Variants in PLEKHA6 observed in about 807,000 individuals in gnomAD.
The protein encoded by PLEKHA6 is pleckstrin homology domain containing A6.
PLEKHA6 carries 60 observed loss-of-function variants against 116.7 expected under a neutral mutation model. The observed-to-expected ratio is 0.51, with a 90% confidence interval of 0.42 to 0.64. The LOEUF is 0.64. Ranked by LOEUF, PLEKHA6 falls within the 30% of genes least tolerant of loss-of-function variation. The pLI is 0.00. For synonymous variants in PLEKHA6, 489 were observed against 556.1 expected (o/e 0.88, Z 1.70); for missense variants, 1,338 against 1,422.7 (o/e 0.94, Z 0.96).
At chr1:204,239,927 C>T (rs945866449) in intron 17 of PLEKHA6, among the ~76,000 whole-genome samples, 13 of 152,178 alleles carry the variant, frequency 8.5e-5, no homozygotes, top group Admixed American at 7.2e-4. Context: ...TTTCCCATGA[C>T]ATTATGTTCT....
chr1:204,254,429 T>C (rs192300432), intron 9 of PLEKHA6, among the ~76,000 whole-genome samples: 1 of 152,214 alleles, frequency 6.6e-6, no homozygotes, highest in Admixed American at 6.5e-5. Context: ...GTTGCAGCTA[T>C]AGCATCTCAT....
At chr1:204,329,089 G>A (rs1054377732) in intron 1 of PLEKHA6, among the ~76,000 whole-genome samples, 1 of 152,234 alleles carries the variant, frequency 6.6e-6, no homozygotes, top group South Asian at 2.1e-4. Flanking sequence ...GTCACTGATA[G>A]TAGAAAGAGC....
chr1:204,301,845 T>C (rs12082071), intron 1 of PLEKHA6, among the ~76,000 whole-genome samples: 29,992 of 152,100 alleles, frequency 0.2, 3,552 homozygotes, highest in East Asian at 0.59. Context: ...TTCTCAGATC[T>C]CTTGGCTCTA....
Position 204,238,708 on chromosome 1 carries a change from C to T in PLEKHA6, c.2409+2667G>A, listed in dbSNP as rs1393450324. 1.3e-5 allele frequency among the ~76,000 whole-genome samples: 2 copies of T among 152,158 alleles called. No homozygotes were observed. Among genetic ancestry groups the T allele is most frequent in the South Asian group, 2.1e-4 (1 of 4,828 alleles). ...GCACTGATGGACTCATGGGGAGTTCCCTATGATCAGTTGACAGAGGAAGAG... is the reference window on the plus strand; with the variant it reads ...GCACTGATGGACTCATGGGGAGTTCTCTATGATCAGTTGACAGAGGAAGAG... On this transcript the variant is annotated intron_variant, in intron 17 of 22. Coordinates refer to ENST00000272203, the MANE Select transcript of PLEKHA6 (RefSeq NM_014935.5). The surrounding 1 kb of genome is among the most constrained non-coding windows in gnomAD (Gnocchi z 4.2).
chr1:204,335,304 GTGTTTAGCT>G (rs1409499061), intron 1 of PLEKHA6, among the ~76,000 whole-genome samples: 7 of 152,062 alleles, frequency 4.6e-5, no homozygotes, highest in African/African-American at 1.7e-4. Flanking sequence ...GGGCAGGGGG[GTGTTTAGCT>G]TGGCCTCAGC....
At chr1:204,258,332 A>G (rs1665637683) in intron 8 of PLEKHA6, among the ~76,000 whole-genome samples, 1 of 152,190 alleles carries the variant, frequency 6.6e-6, no homozygotes, top group Admixed American at 6.5e-5. Flanking sequence ...GGGGCCATCA[A>G]GGCTCACTGC....
rs577149827 is a variant in PLEKHA6, at chr1:204,359,015, A to C, written c.-95+679T>G. 5.3e-5 allele frequency among the ~76,000 whole-genome samples: 8 copies of C among 149,926 alleles called. No homozygotes were observed. In the South Asian group the frequency reaches 1.7e-3, roughly 32 times the overall value. On this transcript the variant is annotated intron_variant, in intron 1 of 22. Coordinates refer to ENST00000272203, the MANE Select transcript of PLEKHA6 (RefSeq NM_014935.5). ...CCTCCTTTCCTCAGACTCCTCACACAATACCTCGAGGCTCTTAGCTGGCTG... is the reference window on the plus strand; with the variant it reads ...CCTCCTTTCCTCAGACTCCTCACACCATACCTCGAGGCTCTTAGCTGGCTG...
At chr1:204,374,820 C>A (rs1231251307) in intron 1 of PLEKHA6, among the ~76,000 whole-genome samples, 3 of 152,140 alleles carry the variant, frequency 2.0e-5, no homozygotes, top group Non-Finnish European at 4.4e-5. Flanking sequence ...TCACTCCTAG[C>A]TTTCCCCACT....
intron 1 of PLEKHA6, among the ~76,000 whole-genome samples, chr1:204,348,889 G>A (rs1248127719): frequency 6.6e-6 from 1 of 152,182 alleles, no homozygotes; most frequent in Non-Finnish European, 1.5e-5. Context: ...CCAGAAGCCT[G>A]AGGCCTCTAG....
In PLEKHA6 at chr1:204,336,872, A is replaced by C. The variant is rs1672666591; in HGVS notation, c.-95+22822T>G. 2.6e-5 allele frequency among the ~76,000 whole-genome samples: 4 copies of C among 152,300 alleles called. No individual in the cohort carries two copies. The South Asian group carries it at 8.3e-4, about 32-fold the overall frequency. On this transcript the variant is annotated intron_variant, in intron 1 of 22. Transcript: ENST00000272203. The stretch of plus-strand genomic sequence containing the variant: ...CTAGGGCTGTACCAGAACAATAAAG[A>C]AAGCCAGGTCTAAAGAGGCCTCCTC...
chr1:204,331,493 G>C (rs1461647977), intron 1 of PLEKHA6, among the ~76,000 whole-genome samples: 1 of 152,160 alleles, frequency 6.6e-6, no homozygotes, highest in Non-Finnish European at 1.5e-5. Context: ...TGGTGCTACT[G>C]ATCCCAGAGC....
intron 1 of PLEKHA6, among the ~76,000 whole-genome samples, chr1:204,328,660 A>ACCGG (rs1437278377): frequency 6.6e-6 from 1 of 152,208 alleles, no homozygotes; most frequent in East Asian, 1.9e-4. Context: ...TGCTGGGATT[A>ACCGG]CCGGCTTGAG....
At chr1:204,364,719 G>T (rs1673618503), upstream of PLEKHA6, among the ~76,000 whole-genome samples, 1 of 152,178 alleles carries the variant, frequency 6.6e-6, no homozygotes, top group African/African-American at 2.4e-5. Context: ...CCCTTGATGA[G>T]TTTTCAGTCT....
At position 204,229,040 on chromosome 1, in the gene PLEKHA6, T is replaced by G; in HGVS notation, c.2648A>C (p.Glu883Ala). Residue 883 changes from glutamate to alanine, a missense_variant, in exon 19 of 23, where the codon GAG (glutamate) becomes GCG (alanine). Physicochemically the swap from Glu to Ala is moderately radical, Grantham distance 107 (BLOSUM62 -1). Transcript: ENST00000272203. ...CTCGTAGGCATGCCCGCCAGGCTCC[T>G]CTGCCCGCAGGGCTGCCTCCAGGTT... The part of the protein sequence containing the change: ...ISNLEAALRA[E>A]EPGGHAYETP... 1 of 1,614,176 alleles carries G rather than the reference T, an allele frequency of 6.2e-7. No individual in the cohort carries two copies. Among genetic ancestry groups the G allele is most frequent in the Admixed American group, 1.7e-5 (1 of 60,026 alleles).
At chr1:204,316,858 G>A (rs1442213552) in intron 1 of PLEKHA6, among the ~76,000 whole-genome samples, 1 of 152,176 alleles carries the variant, frequency 6.6e-6, no homozygotes, top group Non-Finnish European at 1.5e-5. Context: ...CACCCTACTG[G>A]TATTTTACCA....
intron 1 of PLEKHA6, chr1:204,301,188 C>G: frequency 1.1e-6 from 1 of 950,724 alleles, no homozygotes; most frequent in Non-Finnish European, 1.3e-6. Context: ...TAGAGCTATA[C>G]AAGCCACCTC....
intron 1 of PLEKHA6, among the ~76,000 whole-genome samples, chr1:204,281,533 A>AAAAAAACAAAAAAAC (rs10684253): frequency 9.6e-5 from 10 of 103,652 alleles, no homozygotes; most frequent in African/African-American, 3.1e-4. Flanking sequence ...TCAAAAAAAC[A>AAAAAAACAAAAAAAC]AAAAAAACAG....
intron 1 of PLEKHA6, among the ~76,000 whole-genome samples, chr1:204,302,876 C>CAAAGAAAAAGAAAAAGAA (rs148042120): frequency 9.4e-5 from 14 of 148,468 alleles, no homozygotes; most frequent in Admixed American, 4.1e-4. Flanking sequence ...AACTCCATCT[C>CAAAGAAAAAGAAAAAGAA]AAAGAAAAAG....
chr1:204,359,610 GGCAGACAGGCA>G, intron 1 of PLEKHA6, 73 bp downstream of exon 1: 1 of 985,434 alleles, frequency 1.0e-6, no homozygotes, highest in Non-Finnish European at 1.2e-6. Flanking sequence ...AGGCTCACGC[GGCAGACAGGCA>G]GCTGCCAGCC....
Sources: allele counts gnomAD v4.1 joint callset (sites outside exome capture counted in the v4.1 genomes callset), GRCh38; gene constraint gnomAD v4.1.1; non-coding constraint Gnocchi (gnomAD v3.1); transcripts MANE v1.5; gene names NCBI Gene and HGNC (gene_info 2026-07-23, HGNC 2026-07-21).